Variants in MCF2L observed in about 807,000 individuals in gnomAD.
MCF2L encodes MCF.2 cell line derived transforming sequence like.
In MCF2L, 97 loss-of-function variants were observed where a neutral mutation model predicts 153.4. The ratio of observed to expected loss-of-function variants is 0.63; its 90% confidence interval spans 0.54 to 0.75. MCF2L has a LOEUF of 0.75. Ranked by LOEUF, MCF2L falls within the 30% of genes least tolerant of loss-of-function variation. MCF2L has a pLI of 0.00. For synonymous variants in MCF2L, 659 were observed against 632.2 expected, an observed-to-expected ratio of 1.04 and a Z score of -0.64; for missense variants, 1,347 against 1,495.2, an observed-to-expected ratio of 0.90 and a Z score of 1.64.
intron 2 of MCF2L, among the ~76,000 whole-genome samples, chr13:112,953,425 A>C (rs1359491537): frequency 6.6e-6 from 1 of 152,172 alleles, no homozygotes; most frequent in Non-Finnish European, 1.5e-5. Context: ...ACTGGTGCTG[A>C]ATTGATATGG....
chr13:113,082,613 C>A, intron 17 of MCF2L, 71 bp downstream of exon 17: 2 of 1,183,816 alleles, frequency 1.7e-6, no homozygotes, highest in Non-Finnish European at 2.5e-6. Context: ...CTTCAGGGGG[C>A]TGGAATGGGG....
rs374116285 is a variant in MCF2L at position 112,908,732 on chromosome 13, G to T, written c.169+6361G>T. Among the ~76,000 whole-genome samples, 114 of 148,686 alleles carry T rather than the reference G, an allele frequency of 7.7e-4. 1 individual carries two copies. The highest frequency in any genetic ancestry group is 2.4e-3 in the African/African-American group (95 of 40,348). ...GGCTCATGTTTTTTGTTTTGTTTTG[G>T]TTTTTTTTTGTTTTTTTTTGAGACA... On this transcript the variant is annotated intron_variant, in intron 2 of 29. Coordinates refer to the MCF2L transcript ENST00000375608.
intron 2 of MCF2L, among the ~76,000 whole-genome samples, chr13:112,964,116 CGGGGGGG>C (rs2081865487): frequency 2.2e-5 from 2 of 93,022 alleles, no homozygotes; most frequent in African/African-American, 8.8e-5. Context: ...GGCGGGGGGG[CGGGGGGG>C]CCCAGCTGGG....
chr13:113,014,682 C>A, intron 1 of MCF2L, 81 bp from the exon 2 acceptor site: 2 of 1,209,870 alleles, frequency 1.7e-6, no homozygotes, highest in South Asian at 1.3e-5. Context: ...GATGTGCCAG[C>A]TCCGTGTGGG....
intron 4 of MCF2L, among the ~76,000 whole-genome samples, chr13:113,056,779 G>A (rs1272007215): frequency 2.3e-4 from 30 of 132,712 alleles, no homozygotes; most frequent in African/African-American, 9.5e-4. Context: ...GGTGCTGAGT[G>A]TTTTGGCACT....
In MCF2L at chr13:113,033,243, CCCCCGTGACATTAGTGGA is replaced by C. The variant is rs752579449; in HGVS notation, c.278+8493_278+8510del. On this transcript the variant is annotated intron_variant, in intron 3 of 29. Transcript: ENST00000535094. ...TGAGTGGCCCCCGTGACGTGAGTGG[CCCCCGTGACATTAGTGGA>C]CCCCGTGGCGTGAGTGGCCCCTGTG... 4.7e-3 allele frequency among the ~76,000 whole-genome samples: 595 copies of C among 127,592 alleles called. 8 individuals are homozygous for C. Among genetic ancestry groups the C allele is most frequent in the East Asian group, 9.1e-3 (34 of 3,720 alleles). The allele number at this position is 127,592 out of a possible 152,430, so 83.7% of individuals were successfully genotyped here.
Position 112,916,246 on chromosome 13 carries a change from C to T in MCF2L, c.169+13875C>T, listed in dbSNP as rs73572821. Among the ~76,000 whole-genome samples the T allele has an allele frequency of 9.4e-3, 1,394 of 149,048 alleles. 16 individuals are homozygous for T. Among genetic ancestry groups the T allele is most frequent in the African/African-American group, 0.034 (1,320 of 38,756 alleles). ...TTCATTTCCTATTTTAAGTATTTGT[C>T]CCTTCTCTCTTTTTCCTTGATTAGG... On this transcript the variant is annotated intron_variant, in intron 2 of 29. Transcript: ENST00000375608.
At chr13:113,012,613 G>A (rs1188354913) in intron 1 of MCF2L, among the ~76,000 whole-genome samples, 6 of 105,158 alleles carry the variant, frequency 5.7e-5, no homozygotes, top group Non-Finnish European at 8.5e-5. Flanking sequence ...ACTGTGATGC[G>A]GACGGTGGAC....
intron 26 of MCF2L, among the ~76,000 whole-genome samples, chr13:113,092,383 C>T (rs1359733333): frequency 1.1e-4 from 16 of 152,040 alleles, no homozygotes; most frequent in Non-Finnish European, 1.8e-4. Flanking sequence ...GTGTCAGAGC[C>T]GGGCCACTGC....
At chr13:112,944,549 C>A (rs111540532) in intron 2 of MCF2L, among the ~76,000 whole-genome samples, 1 of 149,740 alleles carries the variant, frequency 6.7e-6, no homozygotes, top group African/African-American at 2.5e-5. Context: ...ATCTGTCAGT[C>A]CTGTCCCGCT....
rs544202235 is a variant in MCF2L, at chr13:113,045,403, C to T, written c.369+42C>T. 9.9e-6 allele frequency: 15 copies of T among 1,518,364 alleles called. No individual in the cohort carries two copies. In the South Asian group the frequency reaches 1.5e-4, roughly 15 times the overall value. 94.1% of individuals were successfully genotyped at this position (1,518,364 alleles called of 1,614,324 possible). A position where few individuals can be genotyped will look rare whatever the true frequency, so the allele number is the denominator to read the frequency against. On this transcript the variant is annotated intron_variant, in intron 4 of 29. Coordinates refer to ENST00000535094, the MANE Select transcript of MCF2L (RefSeq NM_001112732.3). The surrounding 1 kb of genome is among the most constrained non-coding windows in gnomAD (Gnocchi z 4.2). ...GCTCTGCCCTGCGCCCGGCCCCTCC[C>T]TGGGCTGCATGACCGCATGGTGCCC... is the stretch of plus-strand genomic sequence containing the variant.
intron 1 of MCF2L, among the ~76,000 whole-genome samples, chr13:113,003,919 C>T (rs2083527190): frequency 6.6e-6 from 1 of 152,186 alleles, no homozygotes; most frequent in Admixed American, 6.5e-5. Flanking sequence ...TCCTCGGGCC[C>T]AGAGGGTGCC....
chr13:113,066,418 C>T (rs759400946), intron 8 of MCF2L, among the ~76,000 whole-genome samples: 70 of 152,186 alleles, frequency 4.6e-4, no homozygotes, highest in Admixed American at 2.2e-3. Context: ...TTTCCTAGAG[C>T]AAACGCCCTT....
Position 113,094,509 on chromosome 13 carries a change from C to A in MCF2L, c.2954-5C>A. ...GGGTCCCTCACGGGTGTCTGTCTCT[C>A]TTAGGTTGGAGCAAAACGTCCCACT... is the stretch of plus-strand genomic sequence containing the variant. On this transcript the variant is annotated splice_region_variant and splice_polypyrimidine_tract_variant and intron_variant, in intron 26 of 29. Transcript: ENST00000535094. 6.2e-7 allele frequency: 1 copy of A among 1,609,834 alleles called. No individual in the cohort carries two copies. Among genetic ancestry groups the A allele is most frequent in the South Asian group, 1.1e-5 (1 of 90,608 alleles).
chr13:112,982,149 G>A (rs1397645240), intron 1 of MCF2L, among the ~76,000 whole-genome samples: 1 of 152,194 alleles, frequency 6.6e-6, no homozygotes, highest in African/African-American at 2.4e-5. Context: ...GAGCTCAGGA[G>A]CTTTGGAAAG....
At chr13:113,043,046 C>T (rs1402014161) in intron 3 of MCF2L, 1 of 152,266 alleles carries the variant, frequency 6.6e-6, no homozygotes, top group Non-Finnish European at 1.5e-5. Flanking sequence ...ATTTCACTCT[C>T]ACGGTAACCG....
At chr13:113,096,327 G>C in intron 27 of MCF2L, 44 bp from the exon 28 acceptor site, 1 of 1,436,680 alleles carries the variant, frequency 7.0e-7, no homozygotes, top group Non-Finnish European at 9.6e-7. Context: ...CTGCTGCCGG[G>C]GCGGGTGCTG....
chr13:112,916,623 C>G (rs2081294852), intron 2 of MCF2L, among the ~76,000 whole-genome samples: 1 of 152,182 alleles, frequency 6.6e-6, no homozygotes, highest in Non-Finnish European at 1.5e-5. Context: ...GTATAGGTGG[C>G]TGTCATGTGT....
intron 4 of MCF2L, among the ~76,000 whole-genome samples, chr13:113,057,279 T>TGA (rs1195868401): frequency 7.3e-6 from 1 of 137,926 alleles, no homozygotes; most frequent in African/African-American, 2.8e-5. Flanking sequence ...GAGTGGGTGC[T>TGA]GTGTTTGGGT....
Sources: allele counts gnomAD v4.1 joint callset (sites outside exome capture counted in the v4.1 genomes callset), GRCh38; gene constraint gnomAD v4.1.1; non-coding constraint Gnocchi (gnomAD v3.1); transcripts MANE v1.5; gene names NCBI Gene and HGNC (gene_info 2026-07-23, HGNC 2026-07-21).